Variants in DNAL1 observed in about 807,000 individuals in gnomAD.
The protein encoded by DNAL1 is chromosome 14 open reading frame 168.
A neutral mutation model predicts 29.4 loss-of-function variants in DNAL1; 17 were observed. The observed-to-expected ratio is 0.58, with a 90% CI of 0.40 to 0.87. The LOEUF is 0.87. DNAL1 is among the 40% of genes least tolerant of loss of function. DNAL1 has a pLI of 0.00. For missense variants in DNAL1, 188 were observed against 214.1 expected, an observed-to-expected ratio of 0.88 and a Z score of 0.76; for synonymous variants, 78 against 76.3, an observed-to-expected ratio of 1.02 and a Z score of -0.12.
At chr14:73,692,031 T>C (rs559672302) in intron 7 of DNAL1, among the ~76,000 whole-genome samples, 2 of 147,080 alleles carry the variant, frequency 1.4e-5, no homozygotes, top group East Asian at 2.1e-4. Context: ...AGAGCCTTGC[T>C]CTGTCACCCA....
At chr14:73,683,434 A>T (rs892288845) in intron 5 of DNAL1, among the ~76,000 whole-genome samples, 2 of 152,148 alleles carry the variant, frequency 1.3e-5, no homozygotes, top group Admixed American at 1.3e-4. Flanking sequence ...CAGCCCTATT[A>T]TAATCTTATG....
intron 4 of DNAL1, among the ~76,000 whole-genome samples, chr14:73,667,757 C>T (rs1360204821): frequency 6.6e-6 from 1 of 152,132 alleles, no homozygotes; most frequent in Non-Finnish European, 1.5e-5. Flanking sequence ...CTGCCTTGGC[C>T]TCCCAAAGTT....
chr14:73,673,356 G>C (rs1717649268), intron 5 of DNAL1, among the ~76,000 whole-genome samples: 3 of 152,018 alleles, frequency 2.0e-5, no homozygotes, highest in Admixed American at 6.6e-5. Flanking sequence ...AAATTCTCAA[G>C]TATTACTATA....
intron 4 of DNAL1, 86 bp downstream of exon 4, chr14:73,662,128 T>A: frequency 8.4e-7 from 1 of 1,185,356 alleles, no homozygotes; most frequent in Admixed American, 2.1e-5. Context: ...TTCCAGAAGC[T>A]GGCACCTGTT....
intron 5 of DNAL1, among the ~76,000 whole-genome samples, chr14:73,686,345 T>C (rs1478626313): frequency 2.0e-5 from 3 of 152,212 alleles, no homozygotes; most frequent in African/African-American, 7.2e-5. Flanking sequence ...GTTTTCCTCA[T>C]TGATATTCAC....
rs1368229531 is a variant in DNAL1 at position 73,697,949 on chromosome 14, G to C, written c.*2007G>C. On this transcript the variant is annotated 3_prime_UTR_variant, in exon 8 of 8. Transcript: ENST00000553645. ...ATGTTTTAAGTTCCATAAACTGAGA[G>C]GGAAGATGATCTTCTTAAAGTTTGC... is the stretch of plus-strand genomic sequence containing the variant. The C allele has an allele frequency of 6.6e-6, 1 of 152,116 alleles. No individual in the cohort carries two copies. The highest frequency in any genetic ancestry group is 2.4e-5 in the African/African-American group (1 of 41,420). The allele number at this position is 152,116 out of a possible 1,614,324, so 9.4% of individuals were successfully genotyped here. A position where few individuals can be genotyped will look rare whatever the true frequency, so the allele number is the denominator to read the frequency against.
chr14:73,656,215 C>G (rs957193513), intron 2 of DNAL1, among the ~76,000 whole-genome samples: 13 of 152,084 alleles, frequency 8.5e-5, no homozygotes, highest in Non-Finnish European at 1.6e-4. Context: ...TTATAAATTT[C>G]TCATTTACTT....
At chr14:73,662,066 G>C in intron 4 of DNAL1, 24 bp downstream of exon 4, 17 of 1,534,712 alleles carry the variant, frequency 1.1e-5, no homozygotes, top group Non-Finnish European at 1.5e-5. Context: ...AGTAACAGAT[G>C]GTTCATGGAT....
intron 7 of DNAL1, among the ~76,000 whole-genome samples, chr14:73,694,399 C>G (rs1410308828): frequency 1.3e-5 from 2 of 152,094 alleles, no homozygotes; most frequent in African/African-American, 2.4e-5. Flanking sequence ...ATGAACTGAT[C>G]AGGTTAGCTG....
In DNAL1 at chr14:73,702,660, A is replaced by G. The variant is rs1892464449; in HGVS notation, c.*6718A>G. ...AAGTTAGCTGATAGGCCCTGAATTG[A>G]GAAAAAGGAATCACCAAGCAATATC... On this transcript the variant is annotated 3_prime_UTR_variant, in exon 8 of 8. Transcript: ENST00000553645. 6.6e-6 allele frequency: 1 copy of G among 152,210 alleles called. No individual in the cohort carries two copies. The highest frequency in any genetic ancestry group is 2.4e-5 in the African/African-American group (1 of 41,434). The allele number at this position is 152,210 out of a possible 1,614,324, so 9.4% of individuals were successfully genotyped here.
At chr14:73,649,517 C>T (rs1191011976) in intron 1 of DNAL1, among the ~76,000 whole-genome samples, 2 of 151,434 alleles carry the variant, frequency 1.3e-5, no homozygotes, top group African/African-American at 4.8e-5. Flanking sequence ...CTCCTGACCT[C>T]GTGATCCGCC....
Position 73,702,104 on chromosome 14 carries a change from T to TGTGC in DNAL1, c.*6163_*6164insTGCG, listed in dbSNP as rs1555340583. 2.0e-5 allele frequency: 3 copies of TGTGC among 147,752 alleles called. No homozygotes were observed. Among genetic ancestry groups the TGTGC allele is most frequent in the Admixed American group, 6.8e-5 (1 of 14,692 alleles). 9.2% of individuals were successfully genotyped at this position (147,752 alleles called of 1,614,324 possible). On this transcript the variant is annotated 3_prime_UTR_variant, in exon 8 of 8. Coordinates refer to ENST00000553645, the MANE Select transcript of DNAL1 (RefSeq NM_031427.4). ...GTGTGTGTGTGTGTGTGTGTGTGTG[T>TGTGC]GCACGTGCATGAGAGAGAGTGAAAG...
chr14:73,662,650 C>T (rs1187288775), intron 4 of DNAL1, among the ~76,000 whole-genome samples: 1 of 152,144 alleles, frequency 6.6e-6, no homozygotes, highest in Non-Finnish European at 1.5e-5. Context: ...TGACTCATCA[C>T]TCCAGTCTCT....
chr14:73,648,417 T>TATATATATATATATATATATATATATAG (rs71112789), intron 1 of DNAL1, among the ~76,000 whole-genome samples: 1 of 132,836 alleles, frequency 7.5e-6, no homozygotes, highest in Non-Finnish European at 1.6e-5. Flanking sequence ...TATATATATA[T>TATATATATATATATATATATATATATAG]TTGTTGTTTG....
chr14:73,664,575 G>A (rs1287275246), intron 4 of DNAL1, among the ~76,000 whole-genome samples: 2 of 152,058 alleles, frequency 1.3e-5, no homozygotes, highest in Non-Finnish European at 2.9e-5. Flanking sequence ...AACAAATTAA[G>A]ATTAAGAATG....
chr14:73,647,035 T>C (rs1890990795), intron 1 of DNAL1, among the ~76,000 whole-genome samples: 1 of 152,040 alleles, frequency 6.6e-6, no homozygotes, highest in Admixed American at 6.6e-5. Context: ...TATTTCACAT[T>C]AAAACCAAGA....
chr14:73,693,924 C>T (rs116661015), intron 7 of DNAL1, among the ~76,000 whole-genome samples: 2 of 151,842 alleles, frequency 1.3e-5, no homozygotes, highest in Non-Finnish European at 2.9e-5. Context: ...TTGTATGTTG[C>T]GCGTCAACAA....
intron 1 of DNAL1, among the ~76,000 whole-genome samples, chr14:73,650,725 C>T (rs779789578): frequency 4.6e-5 from 7 of 152,250 alleles, no homozygotes; most frequent in South Asian, 2.1e-4. Context: ...ATCCTCCCAC[C>T]TCAGCCTCCA....
rs755777316 is a variant in DNAL1, at chr14:73,682,171, C to CTT, written c.265-5072_265-5071dup. On this transcript the variant is annotated intron_variant, in intron 5 of 7. Transcript: ENST00000553645. Reference sequence around the variant, plus strand: ...AGAAATTAACCTTAGCTTACTGTAACTTTTTTTTTTTTTTTTTGAGATGGA... The same window carrying CTT: ...AGAAATTAACCTTAGCTTACTGTAACTTTTTTTTTTTTTTTTTTTGAGATGGA... Among the ~76,000 whole-genome samples, 1,159 of 129,574 alleles carry CTT rather than the reference C, an allele frequency of 8.9e-3. 28 individuals are homozygous for CTT. Among genetic ancestry groups the CTT allele is most frequent in the African/African-American group, 0.028 (968 of 34,912 alleles). 85.0% of individuals were successfully genotyped at this position (129,574 alleles called of 152,430 possible).
Sources: gnomAD v4.1 joint callset for allele counts (sites outside exome capture counted in the v4.1 genomes callset) on GRCh38, gnomAD v4.1.1 for gene constraint, MANE v1.5 for transcripts, NCBI Gene and HGNC (gene_info 2026-07-23, HGNC 2026-07-21) for gene names.